SPECC1: variants seen among roughly 807,000 people sequenced by gnomAD.
SPECC1 encodes sperm antigen with calponin homology and coiled-coil domains 1, also known as cytospin-B.
In SPECC1, 62 loss-of-function variants were observed where a neutral mutation model predicts 104.1. The ratio of observed to expected loss-of-function variants is 0.60; its 90% CI spans 0.49 to 0.74. The LOEUF is 0.74. Among genes scored for constraint, SPECC1 ranks in the 30% least tolerant of loss-of-function variants. SPECC1 has a pLI of 0.00. For missense variants in SPECC1, 1,306 were observed against 1,310.5 expected, an observed-to-expected ratio of 1.00 and a Z score of 0.05; for synonymous variants, 513 against 501.6, an observed-to-expected ratio of 1.02 and a Z score of -0.30.
chr17:20,240,784 C>T lies in SPECC1; in HGVS notation c.2352-5142C>T, dbSNP rs550464567. Among the ~76,000 whole-genome samples the T allele has an allele frequency of 3.9e-5, 6 of 152,294 alleles. No individual in the cohort carries two copies. The South Asian group carries it at 6.2e-4, about 16-fold the overall frequency. On this transcript the variant is annotated intron_variant, in intron 7 of 14. Coordinates refer to ENST00000395527, the MANE Select transcript of SPECC1 (RefSeq NM_001243439.2). ...AAAATATTCATAGATTATTAGATTG[C>T]TTATATTACTTTTAACTCATCCTTT...
chr17:20,286,993 C>T (rs569987350), intron 12 of SPECC1, among the ~76,000 whole-genome samples: 1 of 152,266 alleles, frequency 6.6e-6, no homozygotes, highest in Admixed American at 6.5e-5. Flanking sequence ...GACTGATCCC[C>T]TTGCACTCCT....
At chr17:20,050,136 T>G (rs536945145) in intron 1 of SPECC1, among the ~76,000 whole-genome samples, 390 of 152,312 alleles carry the variant, frequency 2.6e-3, no homozygotes, top group African/African-American at 9.0e-3. Context: ...CTTTTAAATA[T>G]TTGGTGCTCC....
intron 1 of SPECC1, among the ~76,000 whole-genome samples, chr17:20,084,718 C>T (rs1182613368): frequency 1.3e-5 from 2 of 152,180 alleles, no homozygotes; most frequent in African/African-American, 4.8e-5. Context: ...GAGGTCACAA[C>T]AGTTTTCTCC....
chr17:20,233,322 T>G (rs2038713777), intron 7 of SPECC1, among the ~76,000 whole-genome samples: 1 of 152,194 alleles, frequency 6.6e-6, no homozygotes, highest in Non-Finnish European at 1.5e-5. Context: ...TCCTGAGCCT[T>G]TTGATCTGAT....
At chr17:20,224,518 G>T (rs751969902) in intron 4 of SPECC1, among the ~76,000 whole-genome samples, 37 of 152,120 alleles carry the variant, frequency 2.4e-4, no homozygotes, top group Non-Finnish European at 5.0e-4. Flanking sequence ...CAGTCTGCTT[G>T]GTTCTTTATT....
At position 20,148,788 on chromosome 17, in the gene SPECC1, C is replaced by T. The variant is rs558712403; in HGVS notation, c.283+38226C>T. Among the ~76,000 whole-genome samples the T allele has an allele frequency of 7.9e-5, 12 of 152,128 alleles. No homozygotes were observed. The South Asian group carries it at 1.5e-3, about 18-fold the overall frequency. On this transcript the variant is annotated intron_variant, in intron 3 of 14. Transcript: ENST00000395527. The stretch of plus-strand genomic sequence containing the variant: ...AGGCTGGAGTGCAGTGGCGCGTTCT[C>T]GGCTCACTGCAGCCTCTGCCTCCCA...
chr17:20,102,226 G>A (rs1567843940), intron 2 of SPECC1, among the ~76,000 whole-genome samples: 2 of 152,248 alleles, frequency 1.3e-5, no homozygotes, highest in African/African-American at 4.8e-5. Flanking sequence ...CCAAAAAGCA[G>A]TGACAAAGTA....
At chr17:20,102,030 G>T (rs148482169) in intron 2 of SPECC1, among the ~76,000 whole-genome samples, 118 of 152,348 alleles carry the variant, frequency 7.7e-4, no homozygotes, top group African/African-American at 2.7e-3. Flanking sequence ...CAGTGAAGCT[G>T]TTAATGAAGA....
At chr17:20,206,391 C>G (rs926524028) in intron 4 of SPECC1, among the ~76,000 whole-genome samples, 2 of 152,170 alleles carry the variant, frequency 1.3e-5, no homozygotes, top group Admixed American at 1.3e-4. Context: ...AATATTACCA[C>G]TATTTTGGTG....
At chr17:20,098,189 T>C (rs62067555) in intron 2 of SPECC1, among the ~76,000 whole-genome samples, 75,524 of 151,726 alleles carry the variant, frequency 0.5, 19,329 homozygotes, top group Middle Eastern at 0.6. Context: ...TCTCTCACCA[T>C]CCCCTAACCT....
At chr17:20,087,847 A>G (rs1353253115) in intron 1 of SPECC1, among the ~76,000 whole-genome samples, 1 of 152,134 alleles carries the variant, frequency 6.6e-6, no homozygotes, top group African/African-American at 2.4e-5. Context: ...GAAATAAACC[A>G]GGGGCTGTTT....
intron 12 of SPECC1, among the ~76,000 whole-genome samples, chr17:20,281,993 T>G (rs1308848414): frequency 6.6e-6 from 1 of 152,130 alleles, no homozygotes; most frequent in African/African-American, 2.4e-5. Flanking sequence ...TCGGGTGCTG[T>G]GTGAGGCTAG....
At chr17:20,229,856 G>T (rs2038463325) in intron 5 of SPECC1, among the ~76,000 whole-genome samples, 2 of 152,218 alleles carry the variant, frequency 1.3e-5, no homozygotes, top group South Asian at 4.1e-4. Flanking sequence ...CAATATTGTT[G>T]TGTGGCTGAA....
intron 7 of SPECC1, among the ~76,000 whole-genome samples, chr17:20,236,401 G>A (rs2038913707): frequency 1.3e-5 from 2 of 151,950 alleles, no homozygotes; most frequent in East Asian, 3.9e-4. Flanking sequence ...AGCTGTGTCT[G>A]CCTCCCTGTT....
At chr17:20,174,202 T>G (rs1479026924) in intron 3 of SPECC1, among the ~76,000 whole-genome samples, 1 of 152,146 alleles carries the variant, frequency 6.6e-6, no homozygotes, top group Non-Finnish European at 1.5e-5. Flanking sequence ...AAGTGCTGTT[T>G]ACATGCCTAA....
intron 3 of SPECC1, among the ~76,000 whole-genome samples, chr17:20,111,267 G>A (rs560787863): frequency 2.0e-5 from 3 of 152,208 alleles, no homozygotes; most frequent in South Asian, 2.1e-4. Flanking sequence ...GAAATACATC[G>A]TTACTAATTT....
chr17:20,215,563 T>C (rs1289116505), intron 4 of SPECC1, among the ~76,000 whole-genome samples: 2 of 152,230 alleles, frequency 1.3e-5, no homozygotes, highest in African/African-American at 4.8e-5. Flanking sequence ...TCTCATTCTG[T>C]CCATGTCTCT....
intron 3 of SPECC1, among the ~76,000 whole-genome samples, chr17:20,166,738 T>C (rs2033681985): frequency 6.6e-6 from 1 of 152,172 alleles, no homozygotes; most frequent in African/African-American, 2.4e-5. Context: ...CACTCTTCTC[T>C]TTCCTCAGTA....
At chr17:20,050,177 A>C (rs1597615697) in intron 1 of SPECC1, among the ~76,000 whole-genome samples, 2 of 152,206 alleles carry the variant, frequency 1.3e-5, no homozygotes, top group Non-Finnish European at 2.9e-5. Flanking sequence ...TACCTATGTA[A>C]TAAACCTGCA....
Sources: allele counts gnomAD v4.1 joint callset (sites outside exome capture counted in the v4.1 genomes callset), GRCh38; gene constraint gnomAD v4.1.1; transcripts MANE v1.5; gene names NCBI Gene and HGNC (gene_info 2026-07-23, HGNC 2026-07-21).